Variants in RABGAP1L observed in about 807,000 individuals in gnomAD.
RABGAP1L encodes the protein rab GTPase-activating protein 1-like.
In RABGAP1L, 63 loss-of-function variants were observed where a neutral mutation model predicts 137.7. That is an observed-to-expected ratio of 0.46 (90% CI 0.37 to 0.56). The LOEUF (loss-of-function observed/expected upper bound fraction) is 0.56. RABGAP1L is among the 20% of genes least tolerant of loss of function. RABGAP1L has a pLI of 0.00. For missense variants in RABGAP1L, 1,095 were observed against 1,244.0 expected (o/e 0.88, Z 1.80); for synonymous variants, 431 against 433.7 (o/e 0.99, Z 0.08).
Position 174,982,823 on chromosome 1 carries a change from C to T in RABGAP1L, c.2734-11C>T, listed in dbSNP as rs1187929944. 1 of 1,550,050 alleles carries T rather than the reference C, an allele frequency of 6.5e-7. No individual in the cohort carries two copies. The highest frequency in any genetic ancestry group is 8.7e-7 in the Non-Finnish European group (1 of 1,146,726). On this transcript the variant is annotated splice_polypyrimidine_tract_variant and intron_variant, in intron 23 of 25. Transcript: ENST00000681986. ...CTGTTTTCTAGTAAAAGACTCTTTT[C>T]TCATCCTTAGATCTGTTCGCAGTTG... is the stretch of plus-strand genomic sequence containing the variant.
At position 174,327,977 on chromosome 1, in the gene RABGAP1L, A is replaced by ACG. The variant is rs1395274690; in HGVS notation, c.1465+22850_1465+22851insCG. ...TGTAAATATATATATATATATATAT[A>ACG]TACACACACATATATATATATATAT... On this transcript the variant is annotated intron_variant, in intron 11 of 25. Coordinates refer to ENST00000681986, the MANE Select transcript of RABGAP1L (RefSeq NM_001366446.1). 3.3e-4 allele frequency among the ~76,000 whole-genome samples: 4 copies of ACG among 12,076 alleles called. No homozygotes were observed. In the African/African-American group the frequency reaches 4.4e-3, roughly 13 times the overall value. The allele number at this position is 12,076 out of a possible 152,430, so 7.9% of individuals were successfully genotyped here. A position where few individuals can be genotyped will look rare whatever the true frequency, so the allele number is the denominator to read the frequency against.
chr1:174,618,002 G>A (rs763905506), intron 13 of RABGAP1L, among the ~76,000 whole-genome samples: 3 of 152,160 alleles, frequency 2.0e-5, no homozygotes, highest in East Asian at 1.9e-4. Context: ...TATAGCCCGC[G>A]CCTGGCTTGG....
At chr1:174,933,281 T>C (rs1481168017) in intron 19 of RABGAP1L, among the ~76,000 whole-genome samples, 1 of 152,146 alleles carries the variant, frequency 6.6e-6, no homozygotes, top group Non-Finnish European at 1.5e-5. Flanking sequence ...TCTTTAATTG[T>C]GTGGTTACCC....
chr1:174,245,713 A>G (rs12565675), intron 5 of RABGAP1L: 13,615 of 151,278 alleles, frequency 0.09, 825 homozygotes, highest in East Asian at 0.22. Context: ...TCGGCTCACT[A>G]TGATCTCCAC....
chr1:174,360,425 G>GT (rs1182433677), intron 11 of RABGAP1L, among the ~76,000 whole-genome samples: 3 of 151,938 alleles, frequency 2.0e-5, no homozygotes, highest in African/African-American at 4.8e-5. Flanking sequence ...ATTTCTTACA[G>GT]TTTTTTTAAA....
chr1:174,574,443 T>G (rs1668213983), intron 13 of RABGAP1L, among the ~76,000 whole-genome samples: 1 of 152,182 alleles, frequency 6.6e-6, no homozygotes, highest in South Asian at 2.1e-4. Context: ...CAACATAGTA[T>G]TCTTAGGTCT....
In RABGAP1L at chr1:174,432,799, G is replaced by A. The variant is rs147000559; in HGVS notation, c.1710+38654G>A. ...GATCCACCTGCCTCGGCCTCTGAAA[G>A]TGCTAGTATTACAGGCGTGAGCCAC... On this transcript the variant is annotated intron_variant, in intron 13 of 25. Transcript: ENST00000681986. Among the ~76,000 whole-genome samples, 1,444 of 152,274 alleles carry A rather than the reference G, an allele frequency of 9.5e-3. 23 individuals carry two copies. The highest frequency in any genetic ancestry group is 0.033 in the African/African-American group (1,384 of 41,538).
At chr1:174,833,422 GTATA>G (rs1491011651) in intron 19 of RABGAP1L, among the ~76,000 whole-genome samples, 2 of 81,454 alleles carry the variant, frequency 2.5e-5, no homozygotes, top group African/African-American at 7.3e-5. Context: ...GTGTGTGTGT[GTATA>G]TATATATGTG....
intron 11 of RABGAP1L, among the ~76,000 whole-genome samples, chr1:174,363,872 A>T (rs940517979): frequency 6.6e-6 from 1 of 151,350 alleles, no homozygotes. Context: ...ATGTCAAACC[A>T]TTCTTACATC....
chr1:174,224,928 T>C (rs1393281838), intron 3 of RABGAP1L, among the ~76,000 whole-genome samples: 1 of 152,140 alleles, frequency 6.6e-6, no homozygotes, highest in Admixed American at 6.5e-5. Context: ...TGGTTTTCTT[T>C]GAGTTTATCT....
chr1:174,389,183 G>A (rs80166437), intron 12 of RABGAP1L, among the ~76,000 whole-genome samples: 3,320 of 152,084 alleles, frequency 0.022, 112 homozygotes, highest in African/African-American at 0.076. Context: ...AATGTAGGTC[G>A]TATAACTTCT....
chr1:174,543,264 GA>G, intron 13 of RABGAP1L, among the ~76,000 whole-genome samples: 1 of 152,284 alleles, frequency 6.6e-6, no homozygotes, highest in East Asian at 1.9e-4. Flanking sequence ...CTTGCTTTAT[GA>G]ATCTGGATGC....
At position 174,982,355 on chromosome 1, in the gene RABGAP1L, A is replaced by G. The variant is rs529243308; in HGVS notation, c.2734-479A>G. The stretch of plus-strand genomic sequence containing the variant: ...TATGACCATGTGTTCTCATTGTTCA[A>G]TTCCCACTTATGAGTGAGAACATCA... On this transcript the variant is annotated intron_variant, in intron 23 of 25. Transcript: ENST00000681986. Among the ~76,000 whole-genome samples, 10 of 152,190 alleles carry G rather than the reference A, an allele frequency of 6.6e-5. No individual in the cohort carries two copies. In the East Asian group the frequency reaches 1.7e-3, roughly 26 times the overall value.
intron 13 of RABGAP1L, among the ~76,000 whole-genome samples, chr1:174,612,262 T>G (rs1242321486): frequency 1.3e-5 from 2 of 152,364 alleles, no homozygotes; most frequent in Middle Eastern, 3.4e-3. Context: ...GTTTTTAGCA[T>G]GAAGCATTGT....
chr1:174,673,043 C>T (rs577781114), intron 14 of RABGAP1L, among the ~76,000 whole-genome samples: 1 of 152,188 alleles, frequency 6.6e-6, no homozygotes, highest in Admixed American at 6.5e-5. Context: ...CTCTCTTTAT[C>T]CTACTTCCAA....
chr1:174,775,141 TTCCTTTTAAGCAAA>T (rs1448040148), intron 18 of RABGAP1L, among the ~76,000 whole-genome samples: 6 of 152,108 alleles, frequency 3.9e-5, no homozygotes, highest in African/African-American at 1.4e-4. Context: ...GGAAGGCAAT[TTCCTTTTAAGCAAA>T]TAGTGAGGAA....
At chr1:174,655,234 A>T (rs1199902661) in intron 14 of RABGAP1L, among the ~76,000 whole-genome samples, 1 of 152,136 alleles carries the variant, frequency 6.6e-6, no homozygotes, top group Non-Finnish European at 1.5e-5. Flanking sequence ...TAATCATCCA[A>T]ATGTTCTTGA....
At chr1:174,477,607 C>A (rs1658636024) in intron 13 of RABGAP1L, among the ~76,000 whole-genome samples, 1 of 152,130 alleles carries the variant, frequency 6.6e-6, no homozygotes, top group African/African-American at 2.4e-5. Context: ...TACTGGACAT[C>A]TGGACATCTT....
chr1:174,193,424 C>T (rs568459661), intron 1 of RABGAP1L, among the ~76,000 whole-genome samples: 3 of 152,230 alleles, frequency 2.0e-5, no homozygotes, highest in East Asian at 1.9e-4. Flanking sequence ...CCCAGCTACT[C>T]GGGAGGCTGA....
Sources: allele counts gnomAD v4.1 joint callset (sites outside exome capture counted in the v4.1 genomes callset), GRCh38; gene constraint gnomAD v4.1.1; transcripts MANE v1.5; gene names NCBI Gene and HGNC (gene_info 2026-07-23, HGNC 2026-07-21).